The following IFT140 variants were observed in gnomAD, a reference collection of about 807,000 sequenced individuals.
IFT140 encodes the protein intraflagellar transport 140.
In IFT140, 133 loss-of-function variants were observed where a neutral mutation model predicts 164.6. The observed-to-expected ratio is 0.81, with a 90% CI of 0.70 to 0.93. IFT140 has a LOEUF of 0.93. IFT140 is among the 40% of genes least tolerant of loss of function. The pLI, the probability that IFT140 is intolerant of heterozygous loss-of-function variation, is 0.00. For missense variants in IFT140, 2,045 were observed against 1,972.3 expected (o/e 1.04, Z -0.70); for synonymous variants, 860 against 817.3 (o/e 1.05, Z -0.89).
At position 1,592,468 on chromosome 16, in the gene IFT140, CG is replaced by C; in HGVS notation, c.489del (p.Glu164ArgfsTer11). On this transcript the variant is annotated frameshift_variant and splice_region_variant, in exon 5 of 31. Transcript: ENST00000426508. LOFTEE classifies it high-confidence loss of function. ...TCACAGGGCAAGCCCCACACTTACT[CG>C]CCAGGAGGGGGGAGCCGGAAGATGC... Reference protein sequence around the residue: ...THCIFRLPPPGEDLVQLAKAA... With the variant: ...THCIFRLPPPXEDLVQLAKAA... 6.2e-7 allele frequency: 1 copy of C among 1,614,028 alleles called. No homozygotes were observed. Among genetic ancestry groups the C allele is most frequent in the Non-Finnish European group, 8.5e-7 (1 of 1,179,932 alleles).
At chr16:1,560,304 C>T (rs1040469117) in intron 18 of IFT140, among the ~76,000 whole-genome samples, 13 of 152,356 alleles carry the variant, frequency 8.5e-5, no homozygotes, top group Non-Finnish European at 1.5e-4. Context: ...ACCAGCACCA[C>T]GCCGGCCTCT....
At chr16:1,599,013 G>GTC (rs1341347021) in intron 4 of IFT140, among the ~76,000 whole-genome samples, 2 of 123,582 alleles carry the variant, frequency 1.6e-5, no homozygotes, top group Admixed American at 1.6e-4. Context: ...AGTGAGGAGC[G>GTC]TCTCTGCCCG....
chr16:1,537,108 C>T (rs564372434), intron 19 of IFT140, among the ~76,000 whole-genome samples: 132 of 152,350 alleles, frequency 8.7e-4, no homozygotes, highest in Non-Finnish European at 1.4e-3. Context: ...GGGCTGCGAC[C>T]GTCTGTGCTG....
chr16:1,563,379 G>A (rs1221539921), intron 17 of IFT140, among the ~76,000 whole-genome samples: 1 of 150,750 alleles, frequency 6.6e-6, no homozygotes, highest in African/African-American at 2.4e-5. Context: ...ACTCCGCCTG[G>A]GAGGCGGAGG....
chr16:1,605,203 G>A (rs2035996905), intron 3 of IFT140, among the ~76,000 whole-genome samples: 1 of 152,080 alleles, frequency 6.6e-6, no homozygotes, highest in African/African-American at 2.4e-5. Context: ...ATGGAGGCCG[G>A]GCAGGGAACG....
At chr16:1,598,634 G>A (rs771499641) in intron 4 of IFT140, among the ~76,000 whole-genome samples, 5 of 152,258 alleles carry the variant, frequency 3.3e-5, no homozygotes, top group Non-Finnish European at 7.3e-5. Flanking sequence ...AACTCTCTAG[G>A]GAGAGAGGCT....
At chr16:1,563,466 C>A (rs1468234603) in intron 17 of IFT140, among the ~76,000 whole-genome samples, 62 of 151,058 alleles carry the variant, frequency 4.1e-4, no homozygotes, top group African/African-American at 1.4e-3. Context: ...ACAAAACAAA[C>A]AAACAAAAGA....
At chr16:1,525,437 G>C in intron 21 of IFT140, 111 bp from the exon 22 acceptor site, 1 of 807,392 alleles carries the variant, frequency 1.2e-6, no homozygotes. Flanking sequence ...GGCCCTCGGG[G>C]TGTGTGCTCC....
chr16:1,544,840 G>A (rs902560027), intron 19 of IFT140, among the ~76,000 whole-genome samples: 1 of 151,526 alleles, frequency 6.6e-6, no homozygotes. Context: ...AGTAGAGACG[G>A]GGTTTCACCG....
chr16:1,531,384 G>C lies in IFT140; in HGVS notation c.2400-4588C>G, dbSNP rs1046664864. The C allele has an allele frequency of 6.6e-6, 1 of 152,230 alleles. No homozygotes were observed. Among genetic ancestry groups the C allele is most frequent in the Non-Finnish European group, 1.5e-5 (1 of 68,082 alleles). The allele number at this position is 152,230 out of a possible 1,614,324, so 9.4% of individuals were successfully genotyped here. On this transcript the variant is annotated intron_variant, in intron 19 of 30. Coordinates refer to ENST00000426508, the MANE Select transcript of IFT140 (RefSeq NM_014714.4). The surrounding 1 kb of genome is among the most constrained non-coding windows in gnomAD (Gnocchi z 4.7). ...GAGGGTGGCTGGCGAACAGCGGCTTGACGATCATGCTTGCCGAGGCCGCCC... is the reference window on the plus strand; with the variant it reads ...GAGGGTGGCTGGCGAACAGCGGCTTCACGATCATGCTTGCCGAGGCCGCCC...
chr16:1,541,889 C>T (rs1291082042), intron 19 of IFT140: 5 of 1,557,010 alleles, frequency 3.2e-6, no homozygotes, highest in Non-Finnish European at 3.5e-6. Context: ...CCCACCTGCA[C>T]TCACCACTGC....
At chr16:1,526,827 TGCCCAGCACC>T in intron 19 of IFT140, 31 bp from the exon 20 acceptor site, 1 of 1,591,258 alleles carries the variant, frequency 6.3e-7, no homozygotes, top group Non-Finnish European at 8.6e-7. Flanking sequence ...GTGAGGCTCC[TGCCCAGCACC>T]TCAGGGCCCC....
chr16:1,544,872 T>A (rs1221564801), intron 19 of IFT140, among the ~76,000 whole-genome samples: 3 of 151,994 alleles, frequency 2.0e-5, no homozygotes, highest in African/African-American at 7.3e-5. Flanking sequence ...ATGGTCTCGA[T>A]CTCCTGACCT....
intron 19 of IFT140, among the ~76,000 whole-genome samples, chr16:1,555,966 C>T (rs1198234109): frequency 2.6e-5 from 4 of 152,136 alleles, no homozygotes; most frequent in East Asian, 1.9e-4. Flanking sequence ...ATTAGCCAGG[C>T]GTGGTGGCGG....
At chr16:1,588,907 T>G (rs1596423667) in intron 7 of IFT140, among the ~76,000 whole-genome samples, 1 of 152,160 alleles carries the variant, frequency 6.6e-6, no homozygotes, top group Non-Finnish European at 1.5e-5. Context: ...ACACCAGAGC[T>G]GGTGCTCCCT....
chr16:1,518,213 C>T lies in IFT140; in HGVS notation c.4182+3G>A. On this transcript the variant is annotated splice_donor_region_variant and intron_variant, in intron 30 of 30. Coordinates refer to ENST00000426508, the MANE Select transcript of IFT140 (RefSeq NM_014714.4). ...CTGCTAGTGAGCAGCACTCAGGCCT[C>T]ACCGTCTGGTATTCCTCCTTCCGCA... 6.2e-7 allele frequency: 1 copy of T among 1,610,482 alleles called. No individual in the cohort carries two copies. Among genetic ancestry groups the T allele is most frequent in the Admixed American group, 1.7e-5 (1 of 59,906 alleles).
intron 4 of IFT140, among the ~76,000 whole-genome samples, chr16:1,597,141 C>G (rs2035502956): frequency 6.6e-6 from 1 of 152,134 alleles, no homozygotes; most frequent in Non-Finnish European, 1.5e-5. Context: ...CTGGCTGGCC[C>G]CACATCAGGG....
At chr16:1,566,077 TA>T (rs1477357145) in intron 16 of IFT140, 83 bp downstream of exon 16, 1 of 1,444,772 alleles carries the variant, frequency 6.9e-7, no homozygotes, top group Non-Finnish European at 9.5e-7. Context: ...GAAGGCGCGT[TA>T]ACTTAGCAAC....
rs147809547 is a variant in IFT140, at chr16:1,586,413, C to T, written c.1010-138G>A. ...TGCCTCTCCACCTCATCCCTGGCTGCATCTTTCTGCCCAGGTCCTTGCTGC... is the reference window on the plus strand; with the variant it reads ...TGCCTCTCCACCTCATCCCTGGCTGTATCTTTCTGCCCAGGTCCTTGCTGC... On this transcript the variant is annotated intron_variant, in intron 9 of 30. Coordinates refer to ENST00000426508, the MANE Select transcript of IFT140 (RefSeq NM_014714.4). 3.5e-4 allele frequency: 269 copies of T among 774,714 alleles called. No homozygotes were observed. In the African/African-American group the frequency reaches 3.8e-3, roughly 11 times the overall value. 48.0% of individuals were successfully genotyped at this position (774,714 alleles called of 1,614,324 possible). A position where few individuals can be genotyped will look rare whatever the true frequency, so the allele number is the denominator to read the frequency against.
Sources: allele counts gnomAD v4.1 joint callset (sites outside exome capture counted in the v4.1 genomes callset), GRCh38; gene constraint gnomAD v4.1.1; non-coding constraint Gnocchi (gnomAD v3.1); transcripts MANE v1.5; gene names NCBI Gene and HGNC (gene_info 2026-07-23, HGNC 2026-07-21).